ARID3A: variants seen among roughly 807,000 people sequenced by gnomAD.
ARID3A encodes the protein AT-rich interaction domain 3A, also known as AT-rich interactive domain-containing protein 3A.
ARID3A carries 11 observed loss-of-function variants against 52.7 expected under a neutral mutation model. That is an observed-to-expected ratio of 0.21 (90% CI 0.13 to 0.35). The LOEUF is 0.35. Among genes scored for constraint, ARID3A ranks in the 10% least tolerant of loss-of-function variants. The pLI is 1.00. For missense variants in ARID3A, 721 were observed against 838.5 expected (o/e 0.86, Z 1.73); for synonymous variants, 404 against 359.4 (o/e 1.12, Z -1.40).
Position 938,930 on chromosome 19 carries a change from CT to C in ARID3A, c.693+6206del, listed in dbSNP as rs5826711. Among the ~76,000 whole-genome samples the C allele has an allele frequency of 0.11, 14,382 of 127,994 alleles. 561 individuals carry two copies. Among genetic ancestry groups the C allele is most frequent in the East Asian group, 0.19 (828 of 4,374 alleles). 84.0% of individuals were successfully genotyped at this position (127,994 alleles called of 152,430 possible). A position where few individuals can be genotyped will look rare whatever the true frequency, so the allele number is the denominator to read the frequency against. On this transcript the variant is annotated intron_variant, in intron 3 of 8. Coordinates refer to ENST00000263620, the MANE Select transcript of ARID3A (RefSeq NM_005224.3). The surrounding 1 kb of genome is among the most constrained non-coding windows in gnomAD (Gnocchi z 4.0). Reference sequence around the variant, plus strand: ...CACATAGATACATTATTTTATCTCTCTTTTTTTTTTTTTTTTTTGAGACGGA... The same window carrying C: ...CACATAGATACATTATTTTATCTCTCTTTTTTTTTTTTTTTTTGAGACGGA...
chr19:941,220 G>A lies in ARID3A; in HGVS notation c.693+8478G>A, dbSNP rs1236446079. ...GCGTGGTGCCTGGGCGGGGGAATGG[G>A]CGTGGTGAGCCGCCGTGGCGTGCGT... is the stretch of plus-strand genomic sequence containing the variant. On this transcript the variant is annotated intron_variant, in intron 3 of 8. Transcript: ENST00000263620. This position sits in a 1 kb window ranked among gnomAD's most constrained non-coding sequence, Gnocchi z 6.9. 6.6e-6 allele frequency among the ~76,000 whole-genome samples: 1 copy of A among 152,252 alleles called. No individual in the cohort carries two copies. The highest frequency in any genetic ancestry group is 1.5e-5 in the Non-Finnish European group (1 of 68,034).
At chr19:955,656 G>T (rs1226962483) in intron 3 of ARID3A, among the ~76,000 whole-genome samples, 1 of 152,158 alleles carries the variant, frequency 6.6e-6, no homozygotes, top group Non-Finnish European at 1.5e-5. Flanking sequence ...TGAGAGATGG[G>T]GAAACTGAGG....
intron 3 of ARID3A, among the ~76,000 whole-genome samples, chr19:935,532 T>C (rs2037421139): frequency 6.6e-6 from 1 of 152,116 alleles, no homozygotes; most frequent in African/African-American, 2.4e-5. Context: ...GGCTGGAGTG[T>C]AGTGGTGCTG....
intron 3 of ARID3A, among the ~76,000 whole-genome samples, chr19:933,849 G>GA (rs1192968941): frequency 6.8e-6 from 1 of 148,094 alleles, no homozygotes; most frequent in African/African-American, 2.5e-5. Flanking sequence ...GACTCGGTGG[G>GA]GGGGGGGGGC....
rs554478939 is a variant in ARID3A, at chr19:959,348, A to G, written c.694-744A>G. ...GAGTGCAGTGGTGCGGTCTCGGCTCACTTCAGCCTCCACTGCCCAGGCTCA... is the reference window on the plus strand; with the variant it reads ...GAGTGCAGTGGTGCGGTCTCGGCTCGCTTCAGCCTCCACTGCCCAGGCTCA... On this transcript the variant is annotated intron_variant, in intron 3 of 8. Coordinates refer to ENST00000263620, the MANE Select transcript of ARID3A (RefSeq NM_005224.3). The surrounding 1 kb of genome is among the most constrained non-coding windows in gnomAD (Gnocchi z 5.0). Among the ~76,000 whole-genome samples, 5 of 152,050 alleles carry G rather than the reference A, an allele frequency of 3.3e-5. No individual in the cohort carries two copies. Among genetic ancestry groups the G allele is most frequent in the Admixed American group, 6.6e-5 (1 of 15,258 alleles).
At chr19:949,214 T>G (rs1470649996) in intron 3 of ARID3A, among the ~76,000 whole-genome samples, 1 of 152,120 alleles carries the variant, frequency 6.6e-6, no homozygotes. Flanking sequence ...GGGGAGGCAG[T>G]GCTGGGTCCC....
chr19:951,122 A>G (rs1438149506), intron 3 of ARID3A, among the ~76,000 whole-genome samples: 1 of 151,312 alleles, frequency 6.6e-6, no homozygotes, highest in African/African-American at 2.4e-5. Flanking sequence ...ATGCCCGGCC[A>G]GGATTCTTTC....
chr19:961,604 G>C (rs2038043265), intron 4 of ARID3A, among the ~76,000 whole-genome samples: 1 of 152,174 alleles, frequency 6.6e-6, no homozygotes, highest in African/African-American at 2.4e-5. Flanking sequence ...TACAGTGCCT[G>C]GTGTCCTGGG....
chr19:956,995 T>G (rs892639870), intron 3 of ARID3A, among the ~76,000 whole-genome samples: 1 of 152,208 alleles, frequency 6.6e-6, no homozygotes, highest in Non-Finnish European at 1.5e-5. Flanking sequence ...TCCCCCGAGC[T>G]TAATTGGCAG....
chr19:964,706 C>T lies in ARID3A; in HGVS notation c.951-127C>T, dbSNP rs2038111096. ...GGCAAAGGCCCAGCAGCTCTGGGGG[C>T]TGCTGAGCAAGTCCAAGGGAAGAAC... On this transcript the variant is annotated intron_variant, in intron 5 of 8. Transcript: ENST00000263620. The surrounding 1 kb of genome is among the most constrained non-coding windows in gnomAD (Gnocchi z 5.7). The T allele has an allele frequency of 7.0e-7, 1 of 1,436,456 alleles. No individual in the cohort carries two copies. Among genetic ancestry groups the T allele is most frequent in the African/African-American group, 1.4e-5 (1 of 69,778 alleles). The allele number at this position is 1,436,456 out of a possible 1,614,324, so 89.0% of individuals were successfully genotyped here.
intron 8 of ARID3A, among the ~76,000 whole-genome samples, chr19:969,918 C>T (rs908000970): frequency 1.3e-5 from 2 of 152,008 alleles, no homozygotes; most frequent in Non-Finnish European, 2.9e-5. Flanking sequence ...GTCTTGGACT[C>T]TTGACCTCAG....
intron 6 of ARID3A, 106 bp downstream of exon 6, chr19:965,186 A>G: frequency 7.5e-7 from 1 of 1,327,104 alleles, no homozygotes; most frequent in Non-Finnish European, 1.0e-6. Flanking sequence ...AGGATGAAAA[A>G]CCCTATAGTT....
chr19:929,610 C>G lies in ARID3A; in HGVS notation c.82C>G (p.Pro28Ala). ...GGAGCTGGAGGCCCGGCAGCAGCTG[C>G]CCCCCGATCCCCCTGCTGCACCCCC... ...RQELEARQQL[P>A]PDPPAAPPGR... Residue 28 changes from proline to alanine, a missense_variant, in exon 2 of 9, where the codon CCC becomes GCC. Physicochemically the swap from Pro to Ala is conservative, Grantham distance 27. Coordinates refer to ENST00000263620, the MANE Select transcript of ARID3A (RefSeq NM_005224.3). The surrounding 1 kb of genome is among the most constrained non-coding windows in gnomAD (Gnocchi z 6.2). The G allele has an allele frequency of 3.9e-6, 6 of 1,523,810 alleles. No individual in the cohort carries two copies. The highest frequency in any genetic ancestry group is 4.6e-4 in the Middle Eastern group (2 of 4,390). The allele number at this position is 1,523,810 out of a possible 1,614,324, so 94.4% of individuals were successfully genotyped here.
chr19:927,042 G>T (rs1293902226), intron 1 of ARID3A, among the ~76,000 whole-genome samples: 1 of 144,844 alleles, frequency 6.9e-6, no homozygotes, highest in Non-Finnish European at 1.5e-5. Context: ...TTTCTGCCCC[G>T]CCCCTCCCCC....
Position 971,885 on chromosome 19 carries a change from G to A in ARID3A, c.1602G>A (p.Leu534=), listed in dbSNP as rs1367593155. ...CTTCTGTTCTTGCCTTAGGAGTTCT[G>A]TTTGCTCAGCCGCCGGCCCCCACGC... ...EINGIMYTGV[L]FAQPPAPTPT... The change falls in exon 9 of 9, where the codon CTG becomes CTA. Residue 534 remains leucine, a synonymous_variant. Coordinates refer to ENST00000263620, the MANE Select transcript of ARID3A (RefSeq NM_005224.3). 6.2e-7 allele frequency: 1 copy of A among 1,601,136 alleles called. No individual in the cohort carries two copies. Among genetic ancestry groups the A allele is most frequent in the African/African-American group, 1.4e-5 (1 of 73,510 alleles).
intron 3 of ARID3A, among the ~76,000 whole-genome samples, chr19:953,457 C>T (rs1396619196): frequency 2.7e-5 from 4 of 150,042 alleles, no homozygotes; most frequent in East Asian, 2.0e-4. Context: ...GCACCTCCCA[C>T]CCCCCCAGGC....
rs372730654 is a variant in ARID3A, at chr19:929,792, G to A, written c.264G>A (p.Ser88=). The A allele has an allele frequency of 3.9e-6, 6 of 1,548,588 alleles. No individual in the cohort carries two copies. The highest frequency in any genetic ancestry group is 4.8e-5 in the East Asian group (2 of 41,642). Residue 88 remains serine, a synonymous_variant, in exon 2 of 9, where the codon TCG becomes TCA. Transcript: ENST00000263620. This position sits in a 1 kb window ranked among gnomAD's most constrained non-coding sequence, Gnocchi z 6.2. ...GCTCTGAGGATGGGCCCCCAGGCTC[G>A]GAGGAGGAGGACGCGGCCCGGGAGG... The part of the protein sequence containing the change: ...PGGSEDGPPG[S]EEEDAAREGT...
At position 962,513 on chromosome 19, in the gene ARID3A, C is replaced by CTTT. The variant is rs539409112; in HGVS notation, c.767-1719_767-1717dup. On this transcript the variant is annotated intron_variant, in intron 4 of 8. Transcript: ENST00000263620. ...GGGAACCAACCCTCTGCTGCTGATC[C>CTTT]TTTTTTTTTTTTTTTTTTGAGACAG... Among the ~76,000 whole-genome samples, 650 of 115,258 alleles carry CTTT rather than the reference C, an allele frequency of 5.6e-3. 21 individuals are homozygous for CTTT. Among genetic ancestry groups the CTTT allele is most frequent in the African/African-American group, 0.015 (479 of 31,086 alleles). 75.6% of individuals were successfully genotyped at this position (115,258 alleles called of 152,430 possible). A position where few individuals can be genotyped will look rare whatever the true frequency, so the allele number is the denominator to read the frequency against.
At chr19:949,007 G>A (rs34006548) in intron 3 of ARID3A, among the ~76,000 whole-genome samples, 8 of 152,006 alleles carry the variant, frequency 5.3e-5, no homozygotes, top group African/African-American at 1.7e-4. Context: ...ATGAGCCACC[G>A]CGCGTGGCCA....
Sources: gnomAD v4.1 joint callset for allele counts (sites outside exome capture counted in the v4.1 genomes callset) on GRCh38, gnomAD v4.1.1 for gene constraint, Gnocchi (gnomAD v3.1) non-coding constraint, MANE v1.5 for transcripts, NCBI Gene and HGNC (gene_info 2026-07-23, HGNC 2026-07-21) for gene names.